UBA6: variants seen among roughly 807,000 people sequenced by gnomAD.
UBA6 encodes the protein ubiquitin-like modifier-activating enzyme 6.
A neutral mutation model predicts 148.3 loss-of-function variants in UBA6; 87 were observed. That is an observed-to-expected ratio of 0.59 (90% confidence interval 0.49 to 0.70). The LOEUF is 0.70. Among genes scored for constraint, UBA6 ranks in the 30% least tolerant of loss-of-function variants. UBA6 has a pLI of 0.00. For missense variants in UBA6, 1,186 were observed against 1,241.2 expected, an observed-to-expected ratio of 0.96 and a Z score of 0.67; for synonymous variants, 376 against 401.0, an observed-to-expected ratio of 0.94 and a Z score of 0.75.
chr4:67,697,229 T>G (rs1730862679), intron 1 of UBA6, among the ~76,000 whole-genome samples: 1 of 152,216 alleles, frequency 6.6e-6, no homozygotes, highest in Admixed American at 6.5e-5. Flanking sequence ...GGTCTTGAAC[T>G]ACTGACCTCA....
intron 2 of UBA6, among the ~76,000 whole-genome samples, chr4:67,694,283 C>CA (rs771497060): frequency 4.7e-5 from 6 of 126,620 alleles, no homozygotes; most frequent in Non-Finnish European, 9.9e-5. Context: ...GATTCAGTCA[C>CA]TATAAAAAAA....
chr4:67,701,087 C>A lies in UBA6; in HGVS notation c.33G>T (p.Gln11His), dbSNP rs146120551. The A allele has an allele frequency of 3.2e-5, 52 of 1,613,694 alleles. No individual in the cohort carries two copies. The highest frequency in any genetic ancestry group is 4.2e-5 in the Non-Finnish European group (50 of 1,179,806). ...AGGAAGAACAGGACGCCTCTTCCCCCTGATGGGCGGCCACAGGCTCGGATC... is the reference window on the plus strand; with the variant it reads ...AGGAAGAACAGGACGCCTCTTCCCCATGATGGGCGGCCACAGGCTCGGATC... Reference protein sequence around the residue: MEGSEPVAAHQGEEASCSSWG... With the variant: MEGSEPVAAHHGEEASCSSWG... The change falls in exon 1 of 33, where the codon CAG becomes CAT. Residue 11 changes from glutamine to histidine, a missense_variant. Gln to His is a conservative substitution (Grantham distance 24). Transcript: ENST00000322244.
At chr4:67,680,671 T>C (rs1391542547) in intron 4 of UBA6, among the ~76,000 whole-genome samples, 1 of 152,208 alleles carries the variant, frequency 6.6e-6, no homozygotes, top group Non-Finnish European at 1.5e-5. Flanking sequence ...TGTTTCCTGC[T>C]TCATAGTATT....
chr4:67,644,621 T>A, intron 17 of UBA6, 77 bp downstream of exon 17: 1 of 831,070 alleles, frequency 1.2e-6, no homozygotes. Flanking sequence ...ATACTTCAGA[T>A]TTATGCAGTC....
chr4:67,627,184 G>C (rs1438397083), intron 27 of UBA6, among the ~76,000 whole-genome samples: 2 of 151,868 alleles, frequency 1.3e-5, no homozygotes, highest in South Asian at 2.1e-4. Context: ...TCATTATCAT[G>C]AAGTAATATT....
At position 67,696,996 on chromosome 4, in the gene UBA6, GTTGT is replaced by G. The variant is rs372696218; in HGVS notation, c.72-293_72-290del. On this transcript the variant is annotated intron_variant, in intron 1 of 32. Coordinates refer to ENST00000322244, the MANE Select transcript of UBA6 (RefSeq NM_018227.6). ...CATATATATATATTTTGTTGTTGTT[GTTGT>G]TTGTTTGTTTGTTTTCTTTTTTGAG... Among the ~76,000 whole-genome samples the G allele has an allele frequency of 4.9e-4, 74 of 151,968 alleles. 1 individual carries two copies. The highest frequency in any genetic ancestry group is 1.3e-3 in the African/African-American group (55 of 41,460).
chr4:67,681,512 G>T, intron 4 of UBA6, 51 bp downstream of exon 4: 1 of 1,271,038 alleles, frequency 7.9e-7, no homozygotes, highest in Non-Finnish European at 1.1e-6. Context: ...TAACAAATGA[G>T]CCAAAAAAAA....
rs1225261608 is a variant in UBA6 at position 67,625,159 on chromosome 4, A to T, written c.2547T>A (p.Phe849Leu). The T allele has an allele frequency of 1.9e-6, 3 of 1,610,760 alleles. No homozygotes were observed. The African/African-American group carries it at 4.0e-5, about 22-fold the overall frequency. The change falls in exon 29 of 33, where the codon TTT becomes TTA. Residue 849 changes from phenylalanine to leucine, a missense_variant. By Grantham distance (22) the Phe-to-Leu change is conservative. Transcript: ENST00000322244. Reference protein sequence around the residue: ...KSDLQMAVLSFEKDDDHNGHI... With the variant: ...KSDLQMAVLSLEKDDDHNGHI... ...GTCCATTATGATCATCATCTTTTTC[A>T]AATGAAAGCACTGCCATCTGAAGGT...
chr4:67,633,122 A>G (rs951934082), intron 23 of UBA6, among the ~76,000 whole-genome samples: 3 of 152,176 alleles, frequency 2.0e-5, no homozygotes, highest in Non-Finnish European at 2.9e-5. Context: ...GCAAAATCTC[A>G]GCAAAATTTC....
intron 32 of UBA6, among the ~76,000 whole-genome samples, chr4:67,621,898 AAGAGT>A (rs1368695799): frequency 6.6e-6 from 1 of 152,156 alleles, no homozygotes; most frequent in East Asian, 1.9e-4. Context: ...AAAAGTAGAG[AAGAGT>A]AAAGGGGACT....
intron 14 of UBA6, among the ~76,000 whole-genome samples, chr4:67,647,523 A>G (rs529800404): frequency 1.3e-5 from 2 of 152,180 alleles, no homozygotes; most frequent in Non-Finnish European, 2.9e-5. Context: ...CTATAATTAT[A>G]CATACTATGT....
chr4:67,655,320 C>T (rs1471298355), intron 13 of UBA6, among the ~76,000 whole-genome samples: 1 of 152,164 alleles, frequency 6.6e-6, no homozygotes, highest in Admixed American at 6.5e-5. Context: ...TGTAAAAGAA[C>T]AGAAATCACA....
At chr4:67,619,807 A>C (rs750698268) in intron 32 of UBA6, among the ~76,000 whole-genome samples, 41 of 152,300 alleles carry the variant, frequency 2.7e-4, no homozygotes, top group Non-Finnish European at 5.1e-4. Context: ...TATTTACTGA[A>C]AAATCACTCT....
chr4:67,688,056 T>C (rs984284515), intron 2 of UBA6, among the ~76,000 whole-genome samples: 5 of 152,182 alleles, frequency 3.3e-5, no homozygotes, highest in Admixed American at 1.3e-4. Flanking sequence ...GCGTTTCCTC[T>C]AGGATTACAC....
intron 7 of UBA6, among the ~76,000 whole-genome samples, chr4:67,672,384 C>G (rs1278848409): frequency 6.6e-6 from 1 of 152,074 alleles, no homozygotes; most frequent in Non-Finnish European, 1.5e-5. Flanking sequence ...ATGAAAAAGG[C>G]AAATAACATC....
intron 30 of UBA6, 134 bp downstream of exon 30, chr4:67,623,992 T>C: frequency 1.5e-6 from 1 of 655,500 alleles, no homozygotes; most frequent in East Asian, 3.1e-5. Flanking sequence ...TTTGAGCTGA[T>C]CTTGAAGTGA....
At chr4:67,682,046 G>T in intron 3 of UBA6, 73 bp downstream of exon 3, 2 of 1,106,722 alleles carry the variant, frequency 1.8e-6, no homozygotes, top group Admixed American at 1.9e-5. Context: ...AATATAAGGG[G>T]ATGAAGTTAA....
chr4:67,653,213 G>T (rs565208118), intron 13 of UBA6, among the ~76,000 whole-genome samples: 2 of 152,298 alleles, frequency 1.3e-5, no homozygotes, highest in South Asian at 4.1e-4. Flanking sequence ...AGAACAGACA[G>T]ACTGCCTCCT....
At chr4:67,628,783 T>A (rs1308847879) in intron 27 of UBA6, among the ~76,000 whole-genome samples, 3 of 151,912 alleles carry the variant, frequency 2.0e-5, no homozygotes, top group African/African-American at 7.2e-5. Context: ...AGAACTCCAA[T>A]ATATCTAATT....
Sources: gnomAD v4.1 joint callset for allele counts (sites outside exome capture counted in the v4.1 genomes callset) on GRCh38, gnomAD v4.1.1 for gene constraint, MANE v1.5 for transcripts, NCBI Gene and HGNC (gene_info 2026-07-23, HGNC 2026-07-21) for gene names.